The following SVOPL variants were observed in gnomAD, a reference collection of about 807,000 sequenced individuals.
SVOPL encodes SVOP like, also known as putative transporter SVOPL.
A neutral mutation model predicts 61.0 loss-of-function variants in SVOPL; 60 were observed. That is an observed-to-expected ratio of 0.98 (90% CI 0.80 to 1.22). SVOPL has a LOEUF of 1.22. Among genes scored for constraint, SVOPL ranks in the 50% most tolerant of loss-of-function variants. The probability of loss-of-function intolerance (pLI) is 0.00; values close to 1 mark genes in which losing one functional copy is unlikely to be tolerated. For missense variants in SVOPL, 662 were observed against 643.9 expected (o/e 1.03, Z -0.30); for synonymous variants, 279 against 250.0 (o/e 1.12, Z -1.09).
At chr7:138,621,922 C>G (rs200476130) in intron 13 of SVOPL, among the ~76,000 whole-genome samples, 9 of 47,070 alleles carry the variant, frequency 1.9e-4, no homozygotes, top group Middle Eastern at 7.1e-3. Flanking sequence ...ATCTATGTAT[C>G]TATCTATGTA....
chr7:138,626,227 A>G (rs903110849), intron 12 of SVOPL, 177 bp from the exon 13 acceptor site: 9 of 604,216 alleles, frequency 1.5e-5, no homozygotes, highest in Non-Finnish European at 2.0e-5. Context: ...CCTCCTTCCA[A>G]TCTTACTCCC....
chr7:138,648,982 G>A (rs1030511605), intron 8 of SVOPL, 30 bp downstream of exon 8: 13 of 1,613,190 alleles, frequency 8.1e-6, no homozygotes, highest in African/African-American at 1.3e-5. Context: ...AGGAGGAGGG[G>A]ACAGGAAGGA....
chr7:138,596,552 C>T (rs1313973637), intron 14 of SVOPL, 22 bp from the exon 15 acceptor site: 14 of 1,611,100 alleles, frequency 8.7e-6, no homozygotes, highest in Admixed American at 1.7e-5. Flanking sequence ...AAGAGAATTA[C>T]TCAATTTATT....
intron 1 of SVOPL, among the ~76,000 whole-genome samples, chr7:138,699,446 G>A (rs908881197): frequency 8.2e-5 from 12 of 146,082 alleles, no homozygotes; most frequent in Admixed American, 6.5e-4. Flanking sequence ...CCCAAAGAGG[G>A]GAGGAAAAAG....
chr7:138,617,458 A>G (rs542419172), intron 14 of SVOPL, among the ~76,000 whole-genome samples: 1 of 152,332 alleles, frequency 6.6e-6, no homozygotes, highest in East Asian at 1.9e-4. Context: ...AAGTGAAAGG[A>G]AGAACTCATC....
intron 4 of SVOPL, among the ~76,000 whole-genome samples, chr7:138,665,369 T>C: frequency 6.6e-6 from 1 of 151,586 alleles, no homozygotes; most frequent in South Asian, 2.1e-4. Flanking sequence ...AGCACAATTG[T>C]TCCCAGTAAG....
In SVOPL at chr7:138,644,854, A is replaced by C. The variant is rs377105654; in HGVS notation, c.661-9T>G. On this transcript the variant is annotated splice_polypyrimidine_tract_variant and intron_variant, in intron 8 of 15. Coordinates refer to ENST00000674285, the MANE Select transcript of SVOPL (RefSeq NM_001139456.2). ...GCAGATTCAGGAATAAACTGGGTAG[A>C]GATTACAAAGAACATCAGAGTGGCC... 3.7e-6 allele frequency: 6 copies of C among 1,614,148 alleles called. No homozygotes were observed. Among genetic ancestry groups the C allele is most frequent in the Non-Finnish European group, 5.1e-6 (6 of 1,180,008 alleles).
At position 138,644,851 on chromosome 7, in the gene SVOPL, T is replaced by C; in HGVS notation, c.661-6A>G. The C allele has an allele frequency of 6.2e-7, 1 of 1,614,032 alleles. No individual in the cohort carries two copies. Among genetic ancestry groups the C allele is most frequent in the East Asian group, 2.2e-5 (1 of 44,872 alleles). ...CGGGCAGATTCAGGAATAAACTGGG[T>C]AGAGATTACAAAGAACATCAGAGTG... On this transcript the variant is annotated splice_region_variant and splice_polypyrimidine_tract_variant and intron_variant, in intron 8 of 15. Coordinates refer to ENST00000674285, the MANE Select transcript of SVOPL (RefSeq NM_001139456.2).
At chr7:138,685,875 A>T (rs995120453) in intron 1 of SVOPL, among the ~76,000 whole-genome samples, 7 of 151,096 alleles carry the variant, frequency 4.6e-5, no homozygotes, top group South Asian at 4.3e-4. Flanking sequence ...GTCTCAAAAA[A>T]AAAATAAAAT....
At position 138,621,978 on chromosome 7, in the gene SVOPL, CTATCTATCTATG is replaced by C. The variant is rs1563095827; in HGVS notation, c.1264-855_1264-844del. Reference sequence around the variant, plus strand: ...TCTATCTATGTATCTATCTATGTATCTATCTATCTATGTATCTATCTATCTATGTATCTATCT... The same window carrying C: ...TCTATCTATGTATCTATCTATGTATCTATCTATCTATCTATGTATCTATCT... On this transcript the variant is annotated intron_variant, in intron 13 of 15. Transcript: ENST00000674285. 2.7e-3 allele frequency among the ~76,000 whole-genome samples: 135 copies of C among 50,882 alleles called. 6 individuals carry two copies. Among genetic ancestry groups the C allele is most frequent in the African/African-American group, 4.3e-3 (69 of 15,998 alleles). 33.4% of individuals were successfully genotyped at this position (50,882 alleles called of 152,430 possible). A position where few individuals can be genotyped will look rare whatever the true frequency, so the allele number is the denominator to read the frequency against.
rs1198324776 is a variant in SVOPL, at chr7:138,630,133, G to A, written c.790-11C>T. On this transcript the variant is annotated splice_polypyrimidine_tract_variant and intron_variant, in intron 9 of 15. Transcript: ENST00000674285. ...TCTTCCTCTTTTTTCCTGGGGTAATGAAAAGGAGACAGAACATACTCAGCA... is the reference window on the plus strand; with the variant it reads ...TCTTCCTCTTTTTTCCTGGGGTAATAAAAAGGAGACAGAACATACTCAGCA... 4 of 1,607,192 alleles carry A rather than the reference G, an allele frequency of 2.5e-6. No homozygotes were observed. The highest frequency in any genetic ancestry group is 3.4e-6 in the Non-Finnish European group (4 of 1,173,854).
intron 7 of SVOPL, among the ~76,000 whole-genome samples, chr7:138,654,575 G>A (rs1471819897): frequency 6.9e-6 from 1 of 145,762 alleles, no homozygotes; most frequent in African/African-American, 2.5e-5. Flanking sequence ...TCTTGGCTCA[G>A]TGCAACCTTC....
intron 3 of SVOPL, among the ~76,000 whole-genome samples, chr7:138,675,447 G>A (rs371439063): frequency 2.5e-4 from 38 of 151,672 alleles, no homozygotes; most frequent in African/African-American, 7.7e-4. Flanking sequence ...TCCATCTCCC[G>A]GGTTCAAGCA....
chr7:138,663,373 C>CG (rs1802087585), intron 4 of SVOPL: 1 of 1,396,946 alleles, frequency 7.2e-7, no homozygotes, highest in African/African-American at 1.5e-5. Flanking sequence ...CAGGTGGAAA[C>CG]GGGGTCCTCT....
In SVOPL at chr7:138,621,091, G is replaced by A; in HGVS notation, c.1308C>T (p.Gly436=). The change falls in exon 14 of 16, where the codon GGC becomes GGT. Residue 436 remains glycine (G), a synonymous_variant. Coordinates refer to ENST00000674285, the MANE Select transcript of SVOPL (RefSeq NM_001139456.2). ...TMRALGMGTS[G]SLCRIGAMVA... ...CCATTGCACCAATGCGACACAGGGA[G>A]CCGCTGGTTCCCATCCCCAAAGCGC... 2 of 1,613,738 alleles carry A rather than the reference G, an allele frequency of 1.2e-6. No homozygotes were observed. Among genetic ancestry groups the A allele is most frequent in the Middle Eastern group, 1.7e-4 (1 of 6,058 alleles).
At position 138,620,836 on chromosome 7, in the gene SVOPL, A is replaced by G. The variant is rs982474690; in HGVS notation, c.1353+210T>C. On this transcript the variant is annotated intron_variant, in intron 14 of 15. Coordinates refer to ENST00000674285, the MANE Select transcript of SVOPL (RefSeq NM_001139456.2). Reference sequence around the variant, plus strand: ...TGGAGCAAACCCTGAACGCAATGCAATGCCTACTACCGACTGGAAGGCTGA... The same window carrying G: ...TGGAGCAAACCCTGAACGCAATGCAGTGCCTACTACCGACTGGAAGGCTGA... Among the ~76,000 whole-genome samples the G allele has an allele frequency of 6.2e-4, 94 of 152,202 alleles. 1 individual carries two copies. Among genetic ancestry groups the G allele is most frequent in the Non-Finnish European group, 1.2e-4 (8 of 68,046 alleles).
At chr7:138,596,274 G>T in intron 15 of SVOPL, 143 bp downstream of exon 15, 4 of 605,996 alleles carry the variant, frequency 6.6e-6, no homozygotes, top group East Asian at 3.7e-5. Context: ...CAAAGTCCTT[G>T]TTATTCAAAC....
At chr7:138,602,096 A>C (rs1798548037) in intron 14 of SVOPL, among the ~76,000 whole-genome samples, 1 of 152,138 alleles carries the variant, frequency 6.6e-6, no homozygotes, top group Non-Finnish European at 1.5e-5. Flanking sequence ...ATAGTCCCAA[A>C]TATTCGAAGG....
chr7:138,616,999 C>T (rs750337112), intron 14 of SVOPL, among the ~76,000 whole-genome samples: 2 of 152,162 alleles, frequency 1.3e-5, no homozygotes, highest in Non-Finnish European at 2.9e-5. Flanking sequence ...GACAGAGTCT[C>T]GCTTTGTCAT....
Sources: gnomAD v4.1 joint callset for allele counts (sites outside exome capture counted in the v4.1 genomes callset) on GRCh38, gnomAD v4.1.1 for gene constraint, MANE v1.5 for transcripts, NCBI Gene and HGNC (gene_info 2026-07-23, HGNC 2026-07-21) for gene names.